The following SGCZ variants were observed in gnomAD, a reference collection of about 807,000 sequenced individuals.
The protein encoded by SGCZ is sarcoglycan zeta.
SGCZ carries 40 observed loss-of-function variants against 41.3 expected under a neutral mutation model. That is an observed-to-expected ratio of 0.97 (90% CI 0.75 to 1.26). SGCZ has a LOEUF of 1.26. SGCZ is among the 50% of genes most tolerant of loss of function. The pLI is 0.00. For missense variants in SGCZ, 552 were observed against 369.8 expected (o/e 1.49, Z -4.04); for synonymous variants, 206 against 137.5 (o/e 1.50, Z -3.49).
chr8:15,165,163 G>A (rs1180206696), intron 1 of SGCZ, among the ~76,000 whole-genome samples: 1 of 152,108 alleles, frequency 6.6e-6, no homozygotes, highest in Non-Finnish European at 1.5e-5. Context: ...GGTGGTACAT[G>A]CCTGTAATCC....
intron 1 of SGCZ, among the ~76,000 whole-genome samples, chr8:15,111,439 C>T (rs1205463369): frequency 6.6e-6 from 1 of 152,158 alleles, no homozygotes; most frequent in Non-Finnish European, 1.5e-5. Flanking sequence ...GGCCAAGGAC[C>T]AATTCACTTG....
intron 1 of SGCZ, among the ~76,000 whole-genome samples, chr8:14,982,060 G>C (rs1801680063): frequency 1.3e-5 from 2 of 151,848 alleles, no homozygotes; most frequent in Admixed American, 1.3e-4. Flanking sequence ...TGAGGTGGGA[G>C]GATCGCTTGA....
chr8:14,960,982 A>G (rs1054811597), intron 1 of SGCZ, among the ~76,000 whole-genome samples: 1 of 151,756 alleles, frequency 6.6e-6, no homozygotes, highest in Non-Finnish European at 1.5e-5. Context: ...AGCAGAAATC[A>G]CAAAGCCAAT....
chr8:14,514,722 A>C (rs1802562776), intron 2 of SGCZ, among the ~76,000 whole-genome samples: 1 of 148,172 alleles, frequency 6.7e-6, no homozygotes, highest in Non-Finnish European at 1.5e-5. Flanking sequence ...TACATATATA[A>C]ACATATTTAC....
chr8:14,909,898 G>T (rs916860443), intron 1 of SGCZ, among the ~76,000 whole-genome samples: 1 of 151,990 alleles, frequency 6.6e-6, no homozygotes, highest in African/African-American at 2.4e-5. Context: ...CTCATATTTT[G>T]CACAGCATAT....
intron 1 of SGCZ, among the ~76,000 whole-genome samples, chr8:14,600,380 C>T (rs73664404): frequency 6.6e-6 from 1 of 152,154 alleles, no homozygotes; most frequent in Non-Finnish European, 1.5e-5. Flanking sequence ...TCTATCATCT[C>T]TACTTGGATG....
chr8:14,444,572 A>G lies in SGCZ; in HGVS notation c.234+110160T>C, dbSNP rs569083142. Among the ~76,000 whole-genome samples the G allele has an allele frequency of 2.0e-5, 3 of 151,652 alleles. 1 individual carries two copies. Among genetic ancestry groups the G allele is most frequent in the African/African-American group, 7.3e-5 (3 of 41,322 alleles). ...TAAACTATCGTAAGAACAAAAAACC[A>G]AACACCACATATTCTCACTCACAGG... On this transcript the variant is annotated intron_variant, in intron 2 of 7. Coordinates refer to ENST00000382080, the MANE Select transcript of SGCZ (RefSeq NM_139167.4).
chr8:14,211,653 G>C (rs1295567120), intron 4 of SGCZ, among the ~76,000 whole-genome samples: 1 of 131,902 alleles, frequency 7.6e-6, no homozygotes, highest in Non-Finnish European at 1.6e-5. Flanking sequence ...TTAAGCAGGA[G>C]AGAGAGAGAG....
At chr8:14,654,674 C>A (rs141639484) in intron 1 of SGCZ, among the ~76,000 whole-genome samples, 1 of 151,860 alleles carries the variant, frequency 6.6e-6, no homozygotes, top group African/African-American at 2.4e-5. Flanking sequence ...CGAGTTCAAG[C>A]GATTCTCCTG....
intron 1 of SGCZ, among the ~76,000 whole-genome samples, chr8:15,216,113 T>C: frequency 6.6e-6 from 1 of 152,116 alleles, no homozygotes; most frequent in African/African-American, 2.4e-5. Context: ...TATTAACATC[T>C]GCCAGAGCCA....
At chr8:14,812,225 ATTT>A (rs1801758106) in intron 1 of SGCZ, among the ~76,000 whole-genome samples, 1 of 152,028 alleles carries the variant, frequency 6.6e-6, no homozygotes. Context: ...TGGGAAAAAT[ATTT>A]ACTTGTAAAT....
At chr8:14,360,000 A>G (rs1803451024) in intron 2 of SGCZ, among the ~76,000 whole-genome samples, 1 of 152,170 alleles carries the variant, frequency 6.6e-6, no homozygotes, top group Non-Finnish European at 1.5e-5. Context: ...AACAGAATGA[A>G]GGATAAAATT....
chr8:14,668,850 T>C (rs1235522979), intron 1 of SGCZ, among the ~76,000 whole-genome samples: 1 of 152,170 alleles, frequency 6.6e-6, no homozygotes, highest in Non-Finnish European at 1.5e-5. Context: ...GGATTTGATA[T>C]CCTTATACAT....
At chr8:14,113,469 C>A (rs1354047164) in intron 5 of SGCZ, among the ~76,000 whole-genome samples, 1 of 151,982 alleles carries the variant, frequency 6.6e-6, no homozygotes, top group East Asian at 1.9e-4. Context: ...TGTATTCTTG[C>A]GCACCACATG....
intron 1 of SGCZ, among the ~76,000 whole-genome samples, chr8:14,978,096 T>C (rs1037514896): frequency 2.6e-5 from 4 of 152,086 alleles, no homozygotes; most frequent in African/African-American, 4.8e-5. Flanking sequence ...TGTTCTCATA[T>C]GCTACCTCCA....
At chr8:14,485,965 C>A (rs1419956747) in intron 2 of SGCZ, among the ~76,000 whole-genome samples, 1 of 151,584 alleles carries the variant, frequency 6.6e-6, no homozygotes, top group Non-Finnish European at 1.5e-5. Flanking sequence ...CCTCAGCCTC[C>A]CGAGTAGCTG....
intron 5 of SGCZ, among the ~76,000 whole-genome samples, chr8:14,150,464 AAGG>A (rs1803666130): frequency 6.6e-6 from 1 of 152,196 alleles, no homozygotes; most frequent in Non-Finnish European, 1.5e-5. Context: ...TCAAATCTAC[AAGG>A]AGATGTCATC....
At chr8:15,189,732 G>T (rs2117106923) in intron 1 of SGCZ, among the ~76,000 whole-genome samples, 1 of 152,126 alleles carries the variant, frequency 6.6e-6, no homozygotes, top group African/African-American at 2.4e-5. Context: ...TGTATTTTTA[G>T]TAGAGAAGGG....
intron 3 of SGCZ, among the ~76,000 whole-genome samples, chr8:14,317,419 G>A (rs574138110): frequency 5.0e-4 from 76 of 151,966 alleles, no homozygotes; most frequent in Admixed American, 1.2e-3. Flanking sequence ...CTGAATGTTA[G>A]CTATTATTAA....
Sources: allele counts gnomAD v4.1 joint callset (sites outside exome capture counted in the v4.1 genomes callset), GRCh38; gene constraint gnomAD v4.1.1; transcripts MANE v1.5; gene names NCBI Gene and HGNC (gene_info 2026-07-23, HGNC 2026-07-21).